The following MAN1C1 variants were observed in gnomAD, a reference collection of about 807,000 sequenced individuals.
MAN1C1 encodes mannosyl-oligosaccharide 1,2-alpha-mannosidase IC.
MAN1C1 carries 49 observed loss-of-function variants against 71.5 expected under a neutral mutation model. The observed-to-expected ratio is 0.69, with a 90% confidence interval of 0.54 to 0.87. The LOEUF is 0.87. Among genes scored for constraint, MAN1C1 ranks in the 40% least tolerant of loss-of-function variants. The pLI is 0.00. For missense variants in MAN1C1, 743 were observed against 835.0 expected, an observed-to-expected ratio of 0.89 and a Z score of 1.36; for synonymous variants, 352 against 343.7, an observed-to-expected ratio of 1.02 and a Z score of -0.27.
chr1:25,783,669 C>G lies in MAN1C1; in HGVS notation c.1773C>G (p.Leu591=). ...TGCCCTGCGTGGGGCACAGGTATCT[C>G]TATCTTCTGTTCTCTGAAGATGACT... is the stretch of plus-strand genomic sequence containing the variant. The part of the protein sequence containing the change: ...SFFLAETLKY[L]YLLFSEDDLL... Residue 591 remains leucine (L), a synonymous_variant, in exon 12 of 12, where the codon CTC becomes CTG. Coordinates refer to ENST00000374332, the MANE Select transcript of MAN1C1 (RefSeq NM_020379.4). The G allele has an allele frequency of 6.2e-7, 1 of 1,612,336 alleles. No individual in the cohort carries two copies. Among genetic ancestry groups the G allele is most frequent in the Non-Finnish European group, 8.5e-7 (1 of 1,179,828 alleles).
At chr1:25,754,856 T>C (rs992444313) in intron 5 of MAN1C1, among the ~76,000 whole-genome samples, 8 of 152,224 alleles carry the variant, frequency 5.3e-5, no homozygotes, top group Non-Finnish European at 1.2e-4. Context: ...TTAGGCTGTT[T>C]GCCTGCTGTC....
At chr1:25,643,863 C>G (rs577441839) in intron 1 of MAN1C1, among the ~76,000 whole-genome samples, 23 of 152,160 alleles carry the variant, frequency 1.5e-4, no homozygotes, top group Admixed American at 5.2e-4. Flanking sequence ...TAAAAATTGC[C>G]TTCATGTGGC....
In MAN1C1 at chr1:25,689,514, G is replaced by A. The variant is rs193066110; in HGVS notation, c.637+2978G>A. 1.0e-3 allele frequency among the ~76,000 whole-genome samples: 155 copies of A among 152,274 alleles called. 1 individual carries two copies. The highest frequency in any genetic ancestry group is 3.4e-4 in the Non-Finnish European group (23 of 68,004). On this transcript the variant is annotated intron_variant, in intron 2 of 11. Transcript: ENST00000374332. ...TCACCACAAATGGGTCATAGGACAC[G>A]AAGGCTTATGGGTACACACCCAAAG...
chr1:25,744,264 C>T (rs752820662), intron 2 of MAN1C1, among the ~76,000 whole-genome samples: 1 of 152,098 alleles, frequency 6.6e-6, no homozygotes, highest in Non-Finnish European at 1.5e-5. Context: ...AGGGTGAATA[C>T]GGGCCAGGAA....
chr1:25,671,703 T>C (rs932052616), intron 1 of MAN1C1, among the ~76,000 whole-genome samples: 1 of 152,198 alleles, frequency 6.6e-6, no homozygotes, highest in Admixed American at 6.5e-5. Flanking sequence ...CGTGAGGTAG[T>C]GTATTAGTTT....
chr1:25,705,830 G>A (rs1367966956), intron 2 of MAN1C1, among the ~76,000 whole-genome samples: 4 of 152,182 alleles, frequency 2.6e-5, no homozygotes, highest in Non-Finnish European at 1.5e-5. Flanking sequence ...GTAGTCCTAG[G>A]TATTCAAGAG....
chr1:25,770,450 C>T (rs551024683), intron 7 of MAN1C1, among the ~76,000 whole-genome samples: 6 of 152,158 alleles, frequency 3.9e-5, no homozygotes, highest in Non-Finnish European at 7.3e-5. Flanking sequence ...TCACATTTGT[C>T]TTTCTTTCTC....
At chr1:25,780,730 G>A (rs2047681075) in intron 9 of MAN1C1, 1 of 538,860 alleles carries the variant, frequency 1.9e-6, no homozygotes. Context: ...CAGTCCCCGA[G>A]GGTCTTGTTC....
Position 25,780,795 on chromosome 1 carries a change from A to G in MAN1C1, c.1478-145A>G, listed in dbSNP as rs1039033703. The G allele has an allele frequency of 1.6e-5, 12 of 765,390 alleles. No homozygotes were observed. In the African/African-American group the frequency reaches 1.7e-4, roughly 11 times the overall value. 47.4% of individuals were successfully genotyped at this position (765,390 alleles called of 1,614,324 possible). ...GCATCTGCCCGGTGCAGCCTTACACAGCAGTCCAGGCAGGGGCACCCCACA... is the reference window on the plus strand; with the variant it reads ...GCATCTGCCCGGTGCAGCCTTACACGGCAGTCCAGGCAGGGGCACCCCACA... On this transcript the variant is annotated intron_variant, in intron 9 of 11. Transcript: ENST00000374332.
At chr1:25,635,512 C>T (rs967731547) in intron 1 of MAN1C1, among the ~76,000 whole-genome samples, 5 of 148,326 alleles carry the variant, frequency 3.4e-5, no homozygotes, top group Admixed American at 6.8e-5. Flanking sequence ...TGCAATGGTG[C>T]GATCTCAGCT....
In MAN1C1 at chr1:25,634,693, G is replaced by A. The variant is rs1257316335; in HGVS notation, c.540+16356G>A. On this transcript the variant is annotated intron_variant, in intron 1 of 11. Transcript: ENST00000374332. This position sits in a 1 kb window ranked among gnomAD's most constrained non-coding sequence, Gnocchi z 4.6. ...AAATCAGCCGGGCTTCTTGGCACAC[G>A]CCTGTAGTCCCAGCTATTCAGGAGG... Among the ~76,000 whole-genome samples, 3 of 152,010 alleles carry A rather than the reference G, an allele frequency of 2.0e-5. No individual in the cohort carries two copies. Among genetic ancestry groups the A allele is most frequent in the African/African-American group, 7.2e-5 (3 of 41,380 alleles).
At chr1:25,687,889 A>G (rs1342912777) in intron 2 of MAN1C1, among the ~76,000 whole-genome samples, 1 of 151,812 alleles carries the variant, frequency 6.6e-6, no homozygotes, top group Non-Finnish European at 1.5e-5. Flanking sequence ...ATCTTTGCTT[A>G]TTCTCAATCT....
intron 4 of MAN1C1, among the ~76,000 whole-genome samples, chr1:25,749,798 G>A (rs566996638): frequency 2.6e-4 from 40 of 152,292 alleles, no homozygotes; most frequent in African/African-American, 9.6e-4. Flanking sequence ...TCTTAGGACT[G>A]ATAAAGCCAA....
chr1:25,668,989 G>A (rs1469951704), intron 1 of MAN1C1, among the ~76,000 whole-genome samples: 4 of 152,198 alleles, frequency 2.6e-5, no homozygotes, highest in Admixed American at 2.6e-4. Context: ...GAAACTGAAA[G>A]GGCCTGTCTC....
At chr1:25,648,637 A>G (rs1000313894) in intron 1 of MAN1C1, among the ~76,000 whole-genome samples, 2 of 152,186 alleles carry the variant, frequency 1.3e-5, no homozygotes, top group African/African-American at 4.8e-5. Flanking sequence ...CCTCACCTGG[A>G]GTTGGCAGAA....
intron 1 of MAN1C1, among the ~76,000 whole-genome samples, chr1:25,627,628 G>A (rs918801132): frequency 5.9e-5 from 9 of 152,150 alleles, no homozygotes; most frequent in African/African-American, 2.2e-4. Flanking sequence ...TTGAAAACAG[G>A]TAGTGTGATT....
At chr1:25,707,972 A>T (rs2046547797) in intron 2 of MAN1C1, among the ~76,000 whole-genome samples, 1 of 152,202 alleles carries the variant, frequency 6.6e-6, no homozygotes, top group African/African-American at 2.4e-5. Flanking sequence ...TGGCTGTAGG[A>T]GAGCAGCTGT....
chr1:25,670,487 C>T (rs2045979683), intron 1 of MAN1C1, among the ~76,000 whole-genome samples: 1 of 152,238 alleles, frequency 6.6e-6, no homozygotes, highest in African/African-American at 2.4e-5. Flanking sequence ...TTCTAGCAGA[C>T]TGAGCCTTCA....
intron 1 of MAN1C1, among the ~76,000 whole-genome samples, chr1:25,642,844 A>T (rs1418376943): frequency 6.6e-6 from 1 of 152,192 alleles, no homozygotes; most frequent in Non-Finnish European, 1.5e-5. Flanking sequence ...AGTGACGAGG[A>T]TGGAGCTTGG....
Sources: allele counts gnomAD v4.1 joint callset (sites outside exome capture counted in the v4.1 genomes callset), GRCh38; gene constraint gnomAD v4.1.1; non-coding constraint Gnocchi (gnomAD v3.1); transcripts MANE v1.5; gene names NCBI Gene and HGNC (gene_info 2026-07-23, HGNC 2026-07-21).